Variants in ZNF540 observed in about 807,000 individuals in gnomAD.
ZNF540 encodes the protein zinc finger protein 540.
ZNF540 carries 3 observed loss-of-function variants against 11.8 expected under a neutral mutation model. The observed-to-expected ratio is 0.25, with a 90% confidence interval of 0.12 to 0.65. The LOEUF is 0.65. Ranked by LOEUF, ZNF540 falls within the 30% of genes least tolerant of loss-of-function variation. The pLI is 0.83. For synonymous variants in ZNF540, 247 were observed against 259.0 expected (o/e 0.95, Z 0.45); for missense variants, 709 against 793.1 (o/e 0.89, Z 1.27).
intron 1 of ZNF540, chr19:37,563,740 T>G (rs1458293661): frequency 6.6e-6 from 1 of 151,350 alleles, no homozygotes; most frequent in African/African-American, 2.4e-5. Flanking sequence ...GTGGAATATA[T>G]ACACATGTGG....
At chr19:37,605,584 G>T (rs2044078957) in intron 4 of ZNF540, among the ~76,000 whole-genome samples, 1 of 152,104 alleles carries the variant, frequency 6.6e-6, no homozygotes, top group South Asian at 2.1e-4. Flanking sequence ...GAAGGCGGAG[G>T]TTGCAGTGAG....
chr19:37,573,918 C>G (rs900239553), intron 1 of ZNF540, among the ~76,000 whole-genome samples: 1 of 152,068 alleles, frequency 6.6e-6, no homozygotes, highest in African/African-American at 2.4e-5. Context: ...CAATCTGTGC[C>G]CTAACACAAA....
chr19:37,601,851 T>C (rs939839217), intron 4 of ZNF540, among the ~76,000 whole-genome samples: 6 of 152,228 alleles, frequency 3.9e-5, no homozygotes, highest in African/African-American at 1.4e-4. Flanking sequence ...GAAGAGTAAC[T>C]AAATATGAAT....
At position 37,601,009 on chromosome 19, in the gene ZNF540, G is replaced by GGATATTCTGGCTCAAAGCCAGATGT; in HGVS notation, c.140_164dup (p.Thr56PhefsTer37). 1 of 1,571,470 alleles carries GGATATTCTGGCTCAAAGCCAGATGT rather than the reference G, an allele frequency of 6.4e-7. No individual in the cohort carries two copies. Among genetic ancestry groups the GGATATTCTGGCTCAAAGCCAGATGT allele is most frequent in the Non-Finnish European group, 8.6e-7 (1 of 1,158,176 alleles). On this transcript the variant is annotated frameshift_variant and splice_region_variant. Transcript: ENST00000316433. LOFTEE classifies it high-confidence loss of function. ...TTCTTTTATTTCTTTCTTGTAAGCAGGATATTCTGGCTCAAAGCCAGATGT... is the reference window on the plus strand; with the variant it reads ...TTCTTTTATTTCTTTCTTGTAAGCAGGATATTCTGGCTCAAAGCCAGATGTGATATTCTGGCTCAAAGCCAGATGT...
In ZNF540 at chr19:37,557,800, T is replaced by TAA. The variant is rs112073659; in HGVS notation, c.-73+6137_-73+6138dup. Reference sequence around the variant, plus strand: ...TCCATTCGCCAGAAGCACTTTGAAGTAAAGTCTCTATGGCATGAGGAGCCT... The same window carrying TAA: ...TCCATTCGCCAGAAGCACTTTGAAGTAAAAAGTCTCTATGGCATGAGGAGCCT... On this transcript the variant is annotated intron_variant, in intron 1 of 4. Transcript: ENST00000592533. Among the ~76,000 whole-genome samples, 1,212 of 152,306 alleles carry TAA rather than the reference T, an allele frequency of 8.0e-3. 13 individuals carry two copies. Among genetic ancestry groups the TAA allele is most frequent in the African/African-American group, 0.028 (1,145 of 41,566 alleles).
chr19:37,573,385 G>A (rs991609759), intron 1 of ZNF540, among the ~76,000 whole-genome samples: 4 of 152,182 alleles, frequency 2.6e-5, no homozygotes, highest in Non-Finnish European at 5.9e-5. Flanking sequence ...TCTCCTGGCA[G>A]CAGCAACTGG....
chr19:37,594,799 G>A (rs1218725497), upstream of ZNF540: 1 of 152,218 alleles, frequency 6.6e-6, no homozygotes, highest in African/African-American at 2.4e-5. Context: ...GTACGACGTT[G>A]CGCAGCGACG....
upstream of ZNF540, among the ~76,000 whole-genome samples, chr19:37,592,134 T>C (rs978225141): frequency 1.3e-5 from 2 of 152,030 alleles, no homozygotes; most frequent in African/African-American, 2.4e-5. Context: ...GGCACATGCC[T>C]GTAATCCCAG....
At chr19:37,554,691 T>C (rs992591377) in intron 1 of ZNF540, 1 of 152,208 alleles carries the variant, frequency 6.6e-6, no homozygotes, top group Non-Finnish European at 1.5e-5. Context: ...CACATTTACA[T>C]ATATCTTTAT....
At position 37,613,335 on chromosome 19, in the gene ZNF540, A is replaced by T; in HGVS notation, c.*72A>T. ...ATATTTATGGCCAGAAGTTCTGTCA[A>T]TGTGTTGATGTTTTTTTACACATAT... On this transcript the variant is annotated 3_prime_UTR_variant, in exon 5 of 5. Coordinates refer to ENST00000316433, the MANE Select transcript of ZNF540 (RefSeq NM_001172225.3). 1 of 1,113,740 alleles carries T rather than the reference A, an allele frequency of 9.0e-7. No homozygotes were observed. The highest frequency in any genetic ancestry group is 1.2e-6 in the Non-Finnish European group (1 of 823,188). 69.0% of individuals were successfully genotyped at this position (1,113,740 alleles called of 1,614,324 possible). A position where few individuals can be genotyped will look rare whatever the true frequency, so the allele number is the denominator to read the frequency against.
rs1241344775 is a variant in ZNF540, at chr19:37,598,436, G to A, written c.-12G>A. 6 of 1,613,922 alleles carry A rather than the reference G, an allele frequency of 3.7e-6. No individual in the cohort carries two copies. Among genetic ancestry groups the A allele is most frequent in the Non-Finnish European group, 4.2e-6 (5 of 1,179,946 alleles). On this transcript the variant is annotated 5_prime_UTR_variant, in exon 2 of 5. Transcript: ENST00000316433. ...CTGCGGAAGACTGAGCAGTTCTTGTGAGTGTAAAACCATGGCCCATGTAAG... is the reference window on the plus strand; with the variant it reads ...CTGCGGAAGACTGAGCAGTTCTTGTAAGTGTAAAACCATGGCCCATGTAAG...
chr19:37,594,542 A>G (rs1219041994), upstream of ZNF540: 1 of 152,452 alleles, frequency 6.6e-6, no homozygotes, highest in Non-Finnish European at 1.5e-5. Flanking sequence ...CGCCACTGCC[A>G]GAACCAAAGT....
chr19:37,558,329 G>C (rs2042682710), intron 1 of ZNF540, among the ~76,000 whole-genome samples: 1 of 152,038 alleles, frequency 6.6e-6, no homozygotes, highest in Non-Finnish European at 1.5e-5. Flanking sequence ...CCAGTTTTTG[G>C]AGTTTTCTTT....
chr19:37,613,269 GA>G lies in ZNF540; in HGVS notation c.*10del. ...AAACTCATAATGTAATTTAATATAA[GA>G]AAAGGTTTCCATGTCATGCTCTATT... On this transcript the variant is annotated 3_prime_UTR_variant, in exon 5 of 5. Transcript: ENST00000316433. The G allele has an allele frequency of 1.4e-6, 2 of 1,471,480 alleles. No homozygotes were observed. The allele number at this position is 1,471,480 out of a possible 1,614,324, so 91.2% of individuals were successfully genotyped here. A position where few individuals can be genotyped will look rare whatever the true frequency, so the allele number is the denominator to read the frequency against.
chr19:37,587,665 G>A (rs2043722565), intron 1 of ZNF540, among the ~76,000 whole-genome samples: 1 of 151,168 alleles, frequency 6.6e-6, no homozygotes, highest in South Asian at 2.1e-4. Context: ...TGTTACTTGT[G>A]TGATACCAAG....
intron 1 of ZNF540, among the ~76,000 whole-genome samples, chr19:37,558,139 C>A (rs1183038701): frequency 6.6e-6 from 1 of 152,122 alleles, no homozygotes. Context: ...AATTAACGGG[C>A]CATTTCATTC....
intron 1 of ZNF540, among the ~76,000 whole-genome samples, chr19:37,597,974 G>A (rs2044009408): frequency 6.6e-6 from 1 of 152,206 alleles, no homozygotes; most frequent in African/African-American, 2.4e-5. Flanking sequence ...TTTTAAGTCT[G>A]GGGAGGCCAG....
At chr19:37,610,003 C>T (rs1212563827) in intron 4 of ZNF540, among the ~76,000 whole-genome samples, 2 of 152,172 alleles carry the variant, frequency 1.3e-5, no homozygotes, top group African/African-American at 2.4e-5. Context: ...CTCTGTTTAA[C>T]TGGATAGCCA....
chr19:37,567,400 A>T (rs1315570541), intron 1 of ZNF540, among the ~76,000 whole-genome samples: 1 of 152,220 alleles, frequency 6.6e-6, no homozygotes, highest in Non-Finnish European at 1.5e-5. Context: ...TAGAGCTAAT[A>T]ATCTTTCAAT....
Sources: allele counts gnomAD v4.1 joint callset (sites outside exome capture counted in the v4.1 genomes callset), GRCh38; gene constraint gnomAD v4.1.1; transcripts MANE v1.5; gene names NCBI Gene and HGNC (gene_info 2026-07-23, HGNC 2026-07-21).